MRNIP: variants seen among roughly 807,000 people sequenced by gnomAD.
MRNIP encodes the protein MRN complex interacting protein.
MRNIP carries 30 observed loss-of-function variants against 29.8 expected under a neutral mutation model. That is an observed-to-expected ratio of 1.01 (90% CI 0.75 to 1.36). The LOEUF is 1.36. Ranked by LOEUF, MRNIP falls within the 40% of genes most tolerant of loss-of-function variation. MRNIP has a pLI of 0.00. For missense variants in MRNIP, 459 were observed against 423.5 expected (o/e 1.08, Z -0.74); for synonymous variants, 201 against 164.1 (o/e 1.23, Z -1.72).
chr5:179,848,707 TAA>T (rs1391276054), intron 2 of MRNIP, among the ~76,000 whole-genome samples: 2 of 152,206 alleles, frequency 1.3e-5, no homozygotes, highest in East Asian at 3.8e-4. Context: ...AGGTCGTACA[TAA>T]GAGCATACCG....
chr5:179,842,141 T>C, intron 4 of MRNIP, 77 bp from the exon 5 acceptor site: 1 of 1,435,782 alleles, frequency 7.0e-7, no homozygotes, highest in Non-Finnish European at 9.6e-7. Flanking sequence ...GCCCAACTCT[T>C]GGGCCTGAGG....
intron 3 of MRNIP, among the ~76,000 whole-genome samples, chr5:179,845,055 TCCA>T (rs1419225017): frequency 4.6e-5 from 7 of 152,180 alleles, no homozygotes; most frequent in African/African-American, 1.7e-4. Flanking sequence ...CTCTGTAACC[TCCA>T]CGTCTCTCAA....
rs1358546684 is a variant in MRNIP, at chr5:179,843,002, C to CA, written c.292-939_292-938insT. Reference sequence around the variant, plus strand: ...GAGCTGAGATCACGCCACTGCACTCCGGCTGGGGGACACAGCGAGACTCTG... The same window carrying CA: ...GAGCTGAGATCACGCCACTGCACTCCAGGCTGGGGGACACAGCGAGACTCTG... On this transcript the variant is annotated intron_variant, in intron 4 of 6. Coordinates refer to ENST00000292586, the MANE Select transcript of MRNIP (RefSeq NM_016175.4). Among the ~76,000 whole-genome samples the CA allele has an allele frequency of 1.4e-4, 18 of 125,642 alleles. No homozygotes were observed. In the East Asian group the frequency reaches 3.8e-3, roughly 27 times the overall value. 82.4% of individuals were successfully genotyped at this position (125,642 alleles called of 152,430 possible).
chr5:179,840,738 A>T, intron 6 of MRNIP, 134 bp downstream of exon 6: 1 of 711,286 alleles, frequency 1.4e-6, no homozygotes, highest in Non-Finnish European at 2.5e-6. Context: ...GACAGAAAAG[A>T]CAAGAAACCC....
At chr5:179,837,955 T>C (rs1158244313) in intron 6 of MRNIP, 70 bp from the exon 7 acceptor site, 2 of 1,447,494 alleles carry the variant, frequency 1.4e-6, no homozygotes, top group East Asian at 2.3e-5. Context: ...CCGCCTGCCC[T>C]GCCTGGGCCT....
chr5:179,847,478 T>C, intron 3 of MRNIP: 1 of 154,636 alleles, frequency 6.5e-6, no homozygotes, highest in Non-Finnish European at 1.4e-5. Flanking sequence ...GAGAGTTACT[T>C]TCTTGTCAGC....
chr5:179,837,403 A>G lies in MRNIP; in HGVS notation c.1020T>C (p.Asp340=). 1.3e-6 allele frequency: 2 copies of G among 1,592,072 alleles called. No individual in the cohort carries two copies. The highest frequency in any genetic ancestry group is 1.7e-6 in the Non-Finnish European group (2 of 1,167,256). ...TGCCAGTCCCAGATCACACATCATC[A>G]TCGAAGTCTTCCCCAGTTATAAAGA... The part of the protein sequence containing the change: ...CDLFITGEDF[D]DDV The change falls in exon 7 of 7, where the codon GAT becomes GAC. Residue 340 remains aspartate (D), a synonymous_variant. Coordinates refer to ENST00000292586, the MANE Select transcript of MRNIP (RefSeq NM_016175.4).
Position 179,840,910 on chromosome 5 carries a change from C to A in MRNIP, c.499G>T (p.Asp167Tyr). The part of the protein sequence containing the change: ...VQPPCSRGVQ[D>Y]SGGSEVAWGP... ...CAGGCGACCTCAGAGCCACCCGAGTCCTGCACGCCACGGCTGCACGGAGGC... is the reference window on the plus strand; with the variant it reads ...CAGGCGACCTCAGAGCCACCCGAGTACTGCACGCCACGGCTGCACGGAGGC... Residue 167 changes from aspartate (D) to tyrosine (Y), a missense_variant, in exon 6 of 7, where the codon GAC (aspartate) becomes TAC (tyrosine). Transcript: ENST00000292586. 1 of 1,612,214 alleles carries A rather than the reference C, an allele frequency of 6.2e-7. No homozygotes were observed. Among genetic ancestry groups the A allele is most frequent in the Non-Finnish European group, 8.5e-7 (1 of 1,179,370 alleles).
intron 4 of MRNIP, among the ~76,000 whole-genome samples, chr5:179,842,699 C>CAAAAAAAAAAAA (rs58952171): frequency 4.8e-4 from 14 of 28,998 alleles, no homozygotes; most frequent in Admixed American, 1.4e-3. Context: ...GACTCCGTCT[C>CAAAAAAAAAAAA]AAAAAAAAAA....
intron 4 of MRNIP, among the ~76,000 whole-genome samples, chr5:179,843,041 A>AGAAGAGGAAAGAAG (rs1554093091): frequency 0.083 from 8,774 of 105,902 alleles, 421 homozygotes; most frequent in African/African-American, 0.14. Context: ...AAAGGAGGAA[A>AGAAGAGGAAAGAAG]GAAGGAAGGA....
intron 4 of MRNIP, among the ~76,000 whole-genome samples, chr5:179,842,954 A>G (rs1299585814): frequency 6.6e-6 from 1 of 150,568 alleles, no homozygotes; most frequent in African/African-American, 2.5e-5. Flanking sequence ...AATTGCTTGA[A>G]CTCAGGAGGC....
At chr5:179,858,697 C>G in intron 1 of MRNIP, 34 bp downstream of exon 1, 1 of 1,365,260 alleles carries the variant, frequency 7.3e-7, no homozygotes, top group Non-Finnish European at 9.9e-7. Flanking sequence ...GTCCCCGCGC[C>G]GGAGGAGGAG....
Position 179,837,739 on chromosome 5 carries a change from T to A in MRNIP, c.684A>T (p.Lys228Asn). 1.2e-6 allele frequency: 2 copies of A among 1,614,234 alleles called. No individual in the cohort carries two copies. The highest frequency in any genetic ancestry group is 2.2e-5 in the East Asian group (1 of 44,890). The change falls in exon 7 of 7, where the codon AAA becomes AAT. Residue 228 changes from lysine (K) to asparagine (N), a missense_variant. Lys to Asn is a moderately conservative substitution (Grantham distance 94). Coordinates refer to ENST00000292586, the MANE Select transcript of MRNIP (RefSeq NM_016175.4). ...TAGGTGGCAGGACAAATTGCGCCCA[T>A]TTAGAGGATGTGGCTGTAACCTGCT... The part of the protein sequence containing the change: ...PIQQVTATSS[K>N]WAQFVLPPRK...
At chr5:179,838,351 T>TCTCTCACC (rs1491121174) in intron 6 of MRNIP, 15 of 175,432 alleles carry the variant, frequency 8.6e-5, no homozygotes, top group Non-Finnish European at 1.2e-4. Context: ...GGGTCTGGCT[T>TCTCTCACC]CTCTCACCCC....
At chr5:179,852,579 A>G (rs1759417085) in intron 2 of MRNIP, among the ~76,000 whole-genome samples, 2 of 152,190 alleles carry the variant, frequency 1.3e-5, no homozygotes, top group Admixed American at 1.3e-4. Context: ...GCATAAACAC[A>G]TGACTATGTA....
At chr5:179,853,150 A>G (rs748676157) in intron 2 of MRNIP, 3 of 1,318,622 alleles carry the variant, frequency 2.3e-6, no homozygotes, top group African/African-American at 1.5e-5. Context: ...TGGCACACAG[A>G]AAGTACTCAA....
At chr5:179,850,220 G>A (rs1288576497) in intron 2 of MRNIP, among the ~76,000 whole-genome samples, 3 of 152,024 alleles carry the variant, frequency 2.0e-5, no homozygotes, top group African/African-American at 2.4e-5. Context: ...GAGAGGATGC[G>A]TCCTGCTATG....
rs1759031186 is a variant in MRNIP at position 179,844,233 on chromosome 5, G to A, written c.216-6C>T. On this transcript the variant is annotated splice_polypyrimidine_tract_variant and splice_region_variant and intron_variant, in intron 3 of 6. Coordinates refer to ENST00000292586, the MANE Select transcript of MRNIP (RefSeq NM_016175.4). ...TGACAGTTTCTTCTAGAGACCTTCA[G>A]GGAAGACCATACATATGCCCTTTGA... is the stretch of plus-strand genomic sequence containing the variant. 1.9e-6 allele frequency: 3 copies of A among 1,613,020 alleles called. No individual in the cohort carries two copies. The highest frequency in any genetic ancestry group is 1.1e-5 in the South Asian group (1 of 91,060).
chr5:179,858,735 T>G lies in MRNIP; in HGVS notation c.62A>C (p.His21Pro). 2.6e-6 allele frequency: 4 copies of G among 1,521,726 alleles called. No homozygotes were observed. In the South Asian group the frequency reaches 4.9e-5, roughly 19 times the overall value. 94.3% of individuals were successfully genotyped at this position (1,521,726 alleles called of 1,614,324 possible). The change falls in exon 1 of 7, where the codon CAC (histidine) becomes CCC (proline). Residue 21 changes from histidine (H) to proline (P), a missense_variant. His to Pro is a moderately conservative substitution (Grantham distance 77, BLOSUM62 -2). Transcript: ENST00000292586. ...GGGGGCTGGCACCCGCCAGACCTGG[T>G]GCGCCTGGAAGAGGCGGCAGCTGCA... Reference protein sequence around the residue: ...RCCSCRLFQAHQVKKSVKWTC... With the variant: ...RCCSCRLFQAPQVKKSVKWTC...
Sources: allele counts gnomAD v4.1 joint callset (sites outside exome capture counted in the v4.1 genomes callset), GRCh38; gene constraint gnomAD v4.1.1; transcripts MANE v1.5; gene names NCBI Gene and HGNC (gene_info 2026-07-23, HGNC 2026-07-21).